The following CPPED1 variants were observed in gnomAD, a reference collection of about 807,000 sequenced individuals.
CPPED1 encodes the protein serine/threonine-protein phosphatase CPPED1.
A neutral mutation model predicts 28.0 loss-of-function variants in CPPED1; 28 were observed. The ratio of observed to expected loss-of-function variants is 1.00; its 90% CI spans 0.74 to 1.37. The LOEUF is 1.37. Among genes scored for constraint, CPPED1 ranks in the 40% most tolerant of loss-of-function variants. The pLI, the probability that CPPED1 is intolerant of heterozygous loss-of-function variation, is 0.00. For synonymous variants in CPPED1, 198 were observed against 180.2 expected, an observed-to-expected ratio of 1.10 and a Z score of -0.79; for missense variants, 504 against 416.5, an observed-to-expected ratio of 1.21 and a Z score of -1.83.
intron 2 of CPPED1, among the ~76,000 whole-genome samples, chr16:12,737,517 C>T (rs368103627): frequency 1.3e-5 from 2 of 152,162 alleles, no homozygotes; most frequent in Non-Finnish European, 2.9e-5. Context: ...TCAGAGCAAC[C>T]GGCAGCCCCT....
At chr16:12,763,892 C>T (rs2080423910) in intron 2 of CPPED1, among the ~76,000 whole-genome samples, 1 of 152,104 alleles carries the variant, frequency 6.6e-6, no homozygotes, top group African/African-American at 2.4e-5. Context: ...GGCAAAACTG[C>T]CATTACTTGA....
At chr16:12,739,798 G>A (rs149233386) in intron 2 of CPPED1, among the ~76,000 whole-genome samples, 107 of 152,244 alleles carry the variant, frequency 7.0e-4, no homozygotes, top group African/African-American at 2.4e-3. Context: ...GGGGATTCCA[G>A]GGAAACTTTT....
At chr16:12,732,532 T>C (rs940884051) in intron 2 of CPPED1, among the ~76,000 whole-genome samples, 3 of 146,256 alleles carry the variant, frequency 2.1e-5, no homozygotes, top group Non-Finnish European at 4.5e-5. Flanking sequence ...AGAGAGAGGA[T>C]GAAATAATTC....
intron 3 of CPPED1, among the ~76,000 whole-genome samples, chr16:12,685,023 T>G (rs956222468): frequency 6.6e-6 from 1 of 152,192 alleles, no homozygotes; most frequent in Non-Finnish European, 1.5e-5. Context: ...AAGGAGGCCT[T>G]ACTCACGACA....
At chr16:12,715,553 G>A (rs375092692) in intron 2 of CPPED1, among the ~76,000 whole-genome samples, 5 of 152,222 alleles carry the variant, frequency 3.3e-5, no homozygotes, top group East Asian at 1.9e-4. Flanking sequence ...CCAGCTACTC[G>A]GGAGGCTGAG....
At chr16:12,695,611 T>TAC (rs2079985800) in intron 3 of CPPED1, among the ~76,000 whole-genome samples, 1 of 152,196 alleles carries the variant, frequency 6.6e-6, no homozygotes, top group Non-Finnish European at 1.5e-5. Flanking sequence ...TTTCTCTGTA[T>TAC]ACACAGTGAA....
intron 2 of CPPED1, among the ~76,000 whole-genome samples, chr16:12,735,673 G>C (rs1366135621): frequency 6.6e-6 from 1 of 152,180 alleles, no homozygotes; most frequent in African/African-American, 2.4e-5. Context: ...GGATTGTTAT[G>C]AAGATTCAGT....
chr16:12,763,651 G>C (rs2080422665), intron 2 of CPPED1, among the ~76,000 whole-genome samples: 1 of 152,146 alleles, frequency 6.6e-6, no homozygotes, highest in Admixed American at 6.6e-5. Flanking sequence ...CAGCTACAGA[G>C]AGATTAGATA....
chr16:12,714,143 G>C (rs1596456939), intron 2 of CPPED1, among the ~76,000 whole-genome samples: 1 of 152,180 alleles, frequency 6.6e-6, no homozygotes, highest in African/African-American at 2.4e-5. Context: ...CTATTCTACT[G>C]TATGAATATA....
chr16:12,693,451 T>G (rs556929340), intron 3 of CPPED1, among the ~76,000 whole-genome samples: 1 of 152,232 alleles, frequency 6.6e-6, no homozygotes, highest in East Asian at 1.9e-4. Context: ...CCACCTCGGC[T>G]TCCTAAAGTG....
chr16:12,715,756 G>A (rs758957536), intron 2 of CPPED1, among the ~76,000 whole-genome samples: 26 of 152,122 alleles, frequency 1.7e-4, no homozygotes, highest in Non-Finnish European at 2.2e-4. Context: ...TCGAACCCCC[G>A]ACCTCAGGTG....
Position 12,781,327 on chromosome 16 carries a change from C to T in CPPED1, c.147G>A (p.Trp49Ter), listed in dbSNP as rs1333801893. 6.2e-7 allele frequency: 1 copy of T among 1,614,042 alleles called. No individual in the cohort carries two copies. Among genetic ancestry groups the T allele is most frequent in the Non-Finnish European group, 8.5e-7 (1 of 1,180,046 alleles). Residue 49 changes from tryptophan (W) to a stop codon, truncating the protein, a stop_gained, in exon 2 of 4, where the codon TGG (tryptophan) becomes TGA (stop). Transcript: ENST00000381774. LOFTEE classifies it high-confidence loss of function. Reference protein sequence around the residue: ...ADPQFGLIKAWSTGDCDNGGD... With the variant: ...ADPQFGLIKA ...CGCCATTGTCACAGTCCCCAGTGGA[C>T]CAGGCCTTGATCAGCCCAAACTGTG...
At position 12,663,671 on chromosome 16, in the gene CPPED1, T is replaced by G. The variant is rs376637624; in HGVS notation, c.*1215A>C. 290 of 152,310 alleles carry G rather than the reference T, an allele frequency of 1.9e-3. 2 individuals carry two copies. Among genetic ancestry groups the G allele is most frequent in the African/African-American group, 6.5e-3 (271 of 41,564 alleles). 9.4% of individuals were successfully genotyped at this position (152,310 alleles called of 1,614,324 possible). The stretch of plus-strand genomic sequence containing the variant: ...CTCTGTAATGAGAAAGTCTTTTAAT[T>G]TAATAGACTTTGCAGGTCATGTGTA... On this transcript the variant is annotated 3_prime_UTR_variant, in exon 4 of 4. Coordinates refer to ENST00000381774, the MANE Select transcript of CPPED1 (RefSeq NM_018340.3).
intron 2 of CPPED1, among the ~76,000 whole-genome samples, chr16:12,764,687 G>A (rs1001164188): frequency 1.3e-5 from 2 of 152,056 alleles, no homozygotes; most frequent in Admixed American, 6.5e-5. Flanking sequence ...CCACCCAGTC[G>A]TGCTCCAGTT....
At chr16:12,739,635 T>A (rs1376228105) in intron 2 of CPPED1, among the ~76,000 whole-genome samples, 1 of 152,138 alleles carries the variant, frequency 6.6e-6, no homozygotes, top group Non-Finnish European at 1.5e-5. Context: ...GTGGGGCAGA[T>A]TGCTACGAGT....
intron 2 of CPPED1, among the ~76,000 whole-genome samples, chr16:12,741,367 T>G (rs946368233): frequency 1.3e-5 from 2 of 149,130 alleles, no homozygotes; most frequent in African/African-American, 5.0e-5. Context: ...CTGAGGAGGC[T>G]CACATGTGAG....
intron 3 of CPPED1, among the ~76,000 whole-genome samples, chr16:12,667,398 T>G (rs1346802286): frequency 6.6e-6 from 1 of 152,142 alleles, no homozygotes; most frequent in South Asian, 2.1e-4. Flanking sequence ...CAGGAGGTAA[T>G]GAACATTTAG....
At chr16:12,751,117 C>T (rs1440343471) in intron 2 of CPPED1, among the ~76,000 whole-genome samples, 18 of 151,960 alleles carry the variant, frequency 1.2e-4, no homozygotes. Flanking sequence ...TAAGGTATGC[C>T]TGTAATAAAA....
chr16:12,786,848 G>A (rs1202576393), intron 1 of CPPED1, among the ~76,000 whole-genome samples: 1 of 152,186 alleles, frequency 6.6e-6, no homozygotes, highest in South Asian at 2.1e-4. Context: ...GGAGGTGGAG[G>A]TTGCAGTGAG....
Sources: gnomAD v4.1 joint callset for allele counts (sites outside exome capture counted in the v4.1 genomes callset) on GRCh38, gnomAD v4.1.1 for gene constraint, MANE v1.5 for transcripts, NCBI Gene and HGNC (gene_info 2026-07-23, HGNC 2026-07-21) for gene names.